Variants in SLC2A9 observed in about 807,000 individuals in gnomAD.
The protein encoded by SLC2A9 is solute carrier family 2, facilitated glucose transporter member 9.
SLC2A9 carries 39 observed loss-of-function variants against 50.6 expected under a neutral mutation model. The observed-to-expected ratio is 0.77, with a 90% CI of 0.60 to 1.01. The LOEUF (loss-of-function observed/expected upper bound fraction) is 1.01. SLC2A9 is among the 50% of genes least tolerant of loss of function. SLC2A9 has a pLI of 0.00. For missense variants in SLC2A9, 686 were observed against 677.6 expected (o/e 1.01, Z -0.14); for synonymous variants, 324 against 276.9 (o/e 1.17, Z -1.69).
intron 3 of SLC2A9, among the ~76,000 whole-genome samples, chr4:9,807,485 C>G (rs1029123505): frequency 6.6e-6 from 1 of 152,224 alleles, no homozygotes; most frequent in Admixed American, 6.5e-5. Context: ...GCCACAGACT[C>G]TTCCTGTCTG....
At chr4:10,038,978 G>A (rs528737803) in intron 1 of SLC2A9, among the ~76,000 whole-genome samples, 4 of 152,324 alleles carry the variant, frequency 2.6e-5, no homozygotes, top group Admixed American at 6.5e-5. Context: ...CAACTCTGCC[G>A]TTCTAGTGTA....
chr4:9,835,969 C>T lies in SLC2A9; in HGVS notation c.1292-961G>A, dbSNP rs191870626. On this transcript the variant is annotated intron_variant, in intron 10 of 11. Transcript: ENST00000264784. ...GGGCGTGGTGGTGCATGCTTGTTAT[C>T]CCGGCTACTCGAGAGGCTGAGGCAG... is the stretch of plus-strand genomic sequence containing the variant. 2.6e-4 allele frequency among the ~76,000 whole-genome samples: 40 copies of T among 151,372 alleles called. 1 individual carries two copies. In the East Asian group the frequency reaches 7.4e-3, roughly 28 times the overall value.
At chr4:9,948,181 T>A (rs1397588852) in intron 5 of SLC2A9, among the ~76,000 whole-genome samples, 1 of 152,102 alleles carries the variant, frequency 6.6e-6, no homozygotes, top group Non-Finnish European at 1.5e-5. Context: ...CTTCTCGGGA[T>A]ACTTATCCAA....
At chr4:10,020,887 G>A (rs571967054) in intron 1 of SLC2A9, among the ~76,000 whole-genome samples, 87 of 152,280 alleles carry the variant, frequency 5.7e-4, no homozygotes, top group Admixed American at 1.4e-3. Flanking sequence ...TGTGTGGCCC[G>A]CCTGTGCCCT....
intron 10 of SLC2A9, among the ~76,000 whole-genome samples, chr4:9,840,600 G>T (rs1727886509): frequency 6.6e-6 from 1 of 152,090 alleles, no homozygotes; most frequent in Admixed American, 6.6e-5. Context: ...TTGTATTTTG[G>T]TATTTAGCTT....
chr4:9,835,698 T>C (rs572369255), intron 10 of SLC2A9, among the ~76,000 whole-genome samples: 12 of 152,306 alleles, frequency 7.9e-5, no homozygotes, highest in African/African-American at 2.6e-4. Context: ...GACTTGTTCA[T>C]TAAAATGGGA....
At chr4:10,022,533 C>T (rs3756233), upstream of SLC2A9, among the ~76,000 whole-genome samples, 15,314 of 152,202 alleles carry the variant, frequency 0.1, 1,379 homozygotes, top group East Asian at 0.46. Flanking sequence ...TTGCCTCAGA[C>T]GCCAGAGAAG....
chr4:9,892,548 C>A (rs1169419717), intron 8 of SLC2A9, among the ~76,000 whole-genome samples: 5 of 152,202 alleles, frequency 3.3e-5, no homozygotes, highest in Non-Finnish European at 7.3e-5. Flanking sequence ...GCCACTTAGC[C>A]TTCTTTGCAC....
intron 8 of SLC2A9, among the ~76,000 whole-genome samples, chr4:9,906,508 T>C (rs1740689516): frequency 1.3e-5 from 2 of 152,150 alleles, no homozygotes; most frequent in Admixed American, 1.3e-4. Flanking sequence ...CAAAAGCAGA[T>C]CAGAGCTCGT....
intron 10 of SLC2A9, among the ~76,000 whole-genome samples, chr4:9,882,422 G>A (rs1437506959): frequency 1.3e-5 from 2 of 152,104 alleles, no homozygotes; most frequent in Admixed American, 1.3e-4. Context: ...TATGTGATTT[G>A]GGAAAAATTA....
At chr4:9,936,967 G>A (rs10005326) in intron 6 of SLC2A9, among the ~76,000 whole-genome samples, 2,082 of 152,280 alleles carry the variant, frequency 0.014, 38 homozygotes, top group Middle Eastern at 0.041. Context: ...AAAGCACAGG[G>A]ATGCTCTGAA....
intron 5 of SLC2A9, 75 bp from the exon 6 acceptor site, chr4:9,942,120 T>A: frequency 1.3e-6 from 2 of 1,588,040 alleles, no homozygotes; most frequent in Non-Finnish European, 1.7e-6. Flanking sequence ...CTGGACCAGG[T>A]GGTTTCGACC....
intron 1 of SLC2A9, among the ~76,000 whole-genome samples, chr4:10,033,923 CAG>C (rs1416744341): frequency 6.6e-6 from 1 of 152,226 alleles, no homozygotes; most frequent in Admixed American, 6.5e-5. Flanking sequence ...TTCTGCCCTG[CAG>C]AGCTTTCCGC....
chr4:9,817,267 G>A (rs768399076), intron 3 of SLC2A9, among the ~76,000 whole-genome samples: 42 of 152,188 alleles, frequency 2.8e-4, no homozygotes, highest in Non-Finnish European at 3.1e-4. Context: ...ATACTCGAAG[G>A]TTCTTAGGAT....
chr4:10,036,288 G>C (rs1285293264), intron 1 of SLC2A9: 1 of 152,098 alleles, frequency 6.6e-6, no homozygotes, highest in Admixed American at 6.5e-5. Context: ...CCGTAAACCT[G>C]AGCCTCAGTT....
At position 9,920,505 on chromosome 4, in the gene SLC2A9, G is replaced by A. The variant is rs371115520; in HGVS notation, c.882C>T (p.Arg294=). Residue 294 remains arginine, a synonymous_variant, in exon 7 of 12, where the codon CGC becomes CGT. Coordinates refer to ENST00000264784, the MANE Select transcript of SLC2A9 (RefSeq NM_020041.3). ...ACACCAGGCGGATGCTCCTCTGCAC[G>A]CGGCTCTCAGCCAGGACCTCCTCTA... ...QEVEEVLAES[R]VQRSIRLVSV... The A allele has an allele frequency of 3.7e-5, 60 of 1,614,070 alleles. No individual in the cohort carries two copies. The highest frequency in any genetic ancestry group is 4.7e-5 in the Non-Finnish European group (55 of 1,180,052).
chr4:9,935,590 C>T (rs1373662597), intron 6 of SLC2A9, among the ~76,000 whole-genome samples: 1 of 152,210 alleles, frequency 6.6e-6, no homozygotes, highest in Non-Finnish European at 1.5e-5. Context: ...AACCAGAACT[C>T]CTGACCCCTG....
At chr4:10,026,960 CT>C (rs1344750168) in intron 1 of SLC2A9, among the ~76,000 whole-genome samples, 1 of 152,070 alleles carries the variant, frequency 6.6e-6, no homozygotes, top group East Asian at 1.9e-4. Context: ...AGGAGAATTG[CT>C]TGAACCCAGG....
chr4:9,938,417 G>T (rs140409294), intron 6 of SLC2A9, among the ~76,000 whole-genome samples: 2 of 151,802 alleles, frequency 1.3e-5, no homozygotes, highest in South Asian at 2.1e-4. Context: ...GACTACAGGC[G>T]CCTGCCAACA....
Sources: gnomAD v4.1 joint callset for allele counts (sites outside exome capture counted in the v4.1 genomes callset) on GRCh38, gnomAD v4.1.1 for gene constraint, MANE v1.5 for transcripts, NCBI Gene and HGNC (gene_info 2026-07-23, HGNC 2026-07-21) for gene names.